The following LTBP1 variants were observed in gnomAD, a reference collection of about 807,000 sequenced individuals.
LTBP1 encodes latent transforming growth factor beta binding protein 1, also known as latent-transforming growth factor beta-binding protein 1.
In LTBP1, 129 loss-of-function variants were observed where a neutral mutation model predicts 207.6. The observed-to-expected ratio is 0.62, with a 90% CI of 0.54 to 0.72. The LOEUF (loss-of-function observed/expected upper bound fraction) is 0.72. Among genes scored for constraint, LTBP1 ranks in the 30% least tolerant of loss-of-function variants. The probability of loss-of-function intolerance (pLI) is 0.00; values close to 1 mark genes in which losing one functional copy is unlikely to be tolerated. For missense variants in LTBP1, 2,281 were observed against 2,217.2 expected (o/e 1.03, Z -0.58); for synonymous variants, 963 against 833.7 (o/e 1.16, Z -2.67).
At chr2:33,231,049 C>CTTATT (rs2091757969) in intron 9 of LTBP1, among the ~76,000 whole-genome samples, 1 of 152,118 alleles carries the variant, frequency 6.6e-6, no homozygotes, top group South Asian at 2.1e-4. Context: ...ATCGCTGGGG[C>CTTATT]ACTCCTAGCT....
In LTBP1 at chr2:33,389,373, A is replaced by G. The variant is rs907653210; in HGVS notation, c.4834+67A>G. ...TGAAGATTAATCAGTGGTCCTCAAAATGTAATGGCAACTTGTTAGCAATGC... is the reference window on the plus strand; with the variant it reads ...TGAAGATTAATCAGTGGTCCTCAAAGTGTAATGGCAACTTGTTAGCAATGC... On this transcript the variant is annotated intron_variant, in intron 32 of 33. Coordinates refer to ENST00000404816, the MANE Select transcript of LTBP1 (RefSeq NM_206943.4). The G allele has an allele frequency of 4.4e-6, 7 of 1,592,292 alleles. No individual in the cohort carries two copies. The Admixed American group carries it at 1.2e-4, about 27-fold the overall frequency.
chr2:33,166,575 T>C (rs1377103369), intron 5 of LTBP1, among the ~76,000 whole-genome samples: 3 of 152,248 alleles, frequency 2.0e-5, no homozygotes, highest in Non-Finnish European at 4.4e-5. Context: ...CAACTTAGTC[T>C]AATTCTGAGC....
intron 9 of LTBP1, among the ~76,000 whole-genome samples, chr2:33,242,661 G>A (rs1207657705): frequency 7.0e-6 from 1 of 143,438 alleles, no homozygotes; most frequent in African/African-American, 2.6e-5. Context: ...GTCCAGTCAA[G>A]CACCATGCAT....
intron 24 of LTBP1, among the ~76,000 whole-genome samples, chr2:33,341,413 T>A (rs1442211732): frequency 6.6e-6 from 1 of 151,506 alleles, no homozygotes; most frequent in East Asian, 1.9e-4. Flanking sequence ...AGAAAATAAG[T>A]TTAAAAGAGA....
chr2:33,197,762 T>C (rs2088733524), intron 7 of LTBP1, among the ~76,000 whole-genome samples: 1 of 152,176 alleles, frequency 6.6e-6, no homozygotes, highest in South Asian at 2.1e-4. Context: ...AGAATCACAG[T>C]ATAGAGTTCA....
intron 9 of LTBP1, among the ~76,000 whole-genome samples, chr2:33,237,906 A>G (rs2092124516): frequency 6.6e-6 from 1 of 152,200 alleles, no homozygotes; most frequent in Non-Finnish European, 1.5e-5. Flanking sequence ...GATGACTTCA[A>G]AAAGAAACAT....
intron 32 of LTBP1, among the ~76,000 whole-genome samples, chr2:33,392,506 T>C (rs986406968): frequency 1.3e-5 from 2 of 152,164 alleles, no homozygotes; most frequent in African/African-American, 4.8e-5. Flanking sequence ...ATTTGTAGGC[T>C]TTGCAGGTCA....
chr2:33,008,985 A>G (rs913766988), intron 2 of LTBP1, among the ~76,000 whole-genome samples: 4 of 152,234 alleles, frequency 2.6e-5, no homozygotes, highest in African/African-American at 9.7e-5. Flanking sequence ...AAGGGAGTGC[A>G]AGGAAATGAC....
At chr2:32,950,614 C>T (rs1481932500) in intron 2 of LTBP1, among the ~76,000 whole-genome samples, 1 of 151,156 alleles carries the variant, frequency 6.6e-6, no homozygotes, top group African/African-American at 2.4e-5. Flanking sequence ...AATTGTAATC[C>T]TGGCTACTCA....
In LTBP1 at chr2:33,363,488, T is replaced by C; in HGVS notation, c.4369T>C (p.Tyr1457His). 1 of 1,613,910 alleles carries C rather than the reference T, an allele frequency of 6.2e-7. No individual in the cohort carries two copies. Among genetic ancestry groups the C allele is most frequent in the Non-Finnish European group, 8.5e-7 (1 of 1,179,832 alleles). ...GYECYCKQGT[Y>H]YDPVKLQCFD... ...TGAATGCTACTGTAAGCAAGGGACGTACTATGATCCTGTGAAACTGCAGTG... is the reference window on the plus strand; with the variant it reads ...TGAATGCTACTGTAAGCAAGGGACGCACTATGATCCTGTGAAACTGCAGTG... Residue 1457 changes from tyrosine (Y) to histidine (H), a missense_variant, in exon 29 of 34, where the codon TAC becomes CAC. Transcript: ENST00000404816.
intron 5 of LTBP1, among the ~76,000 whole-genome samples, chr2:33,141,984 G>C (rs1170007032): frequency 1.3e-5 from 2 of 152,144 alleles, no homozygotes; most frequent in Non-Finnish European, 1.5e-5. Context: ...CAGGAGTCTT[G>C]GTGATTTATA....
intron 2 of LTBP1, among the ~76,000 whole-genome samples, chr2:32,979,869 G>A (rs1349478645): frequency 6.6e-6 from 1 of 152,066 alleles, no homozygotes; most frequent in Non-Finnish European, 1.5e-5. Flanking sequence ...CTCCAAAGTT[G>A]GATGCATATA....
intron 3 of LTBP1, among the ~76,000 whole-genome samples, chr2:33,028,873 G>A (rs377179378): frequency 7.2e-5 from 11 of 152,144 alleles, no homozygotes; most frequent in East Asian, 1.9e-4. Flanking sequence ...AAAGGCTGAC[G>A]GCAAAGCCCA....
chr2:33,331,402 G>A (rs2094492717), intron 24 of LTBP1, among the ~76,000 whole-genome samples: 1 of 151,750 alleles, frequency 6.6e-6, no homozygotes, highest in Admixed American at 6.6e-5. Flanking sequence ...CATAAGTTTT[G>A]ATATGTTGTA....
intron 2 of LTBP1, among the ~76,000 whole-genome samples, chr2:32,975,583 GTTTTT>G (rs779168923): frequency 5.8e-3 from 181 of 31,354 alleles, no homozygotes; most frequent in African/African-American, 0.02. Flanking sequence ...TTCATTCTTT[GTTTTT>G]TTTTTTTTTT....
At chr2:33,384,276 T>C (rs1182316273) in intron 31 of LTBP1, among the ~76,000 whole-genome samples, 2 of 152,202 alleles carry the variant, frequency 1.3e-5, no homozygotes, top group Admixed American at 6.5e-5. Context: ...ATTAATGTGA[T>C]CAATGGCCTG....
At chr2:33,257,905 A>C (rs1157343884) in intron 12 of LTBP1, among the ~76,000 whole-genome samples, 1 of 152,234 alleles carries the variant, frequency 6.6e-6, no homozygotes, top group Non-Finnish European at 1.5e-5. Flanking sequence ...TAAAGCATTA[A>C]GGTCTAATGG....
intron 7 of LTBP1, among the ~76,000 whole-genome samples, chr2:33,193,256 C>T (rs2088119654): frequency 6.6e-6 from 1 of 152,152 alleles, no homozygotes; most frequent in African/African-American, 2.4e-5. Flanking sequence ...ATTCTCCTGC[C>T]TCAGCCTCCC....
intron 4 of LTBP1, among the ~76,000 whole-genome samples, chr2:33,125,177 G>A (rs1358115061): frequency 6.6e-6 from 1 of 152,198 alleles, no homozygotes. Context: ...ACAAGTGTAG[G>A]AGAGGCATTG....
Sources: gnomAD v4.1 joint callset for allele counts (sites outside exome capture counted in the v4.1 genomes callset) on GRCh38, gnomAD v4.1.1 for gene constraint, MANE v1.5 for transcripts, NCBI Gene and HGNC (gene_info 2026-07-23, HGNC 2026-07-21) for gene names.